Variants in IGSF21 observed in about 807,000 individuals in gnomAD.
IGSF21 encodes the protein immunoglobin superfamily member 21.
A neutral mutation model predicts 46.8 loss-of-function variants in IGSF21; 28 were observed. The observed-to-expected ratio is 0.60, with a 90% CI of 0.44 to 0.82. The LOEUF (loss-of-function observed/expected upper bound fraction) is 0.82. Among genes scored for constraint, IGSF21 ranks in the 40% least tolerant of loss-of-function variants. The pLI is 0.00. For missense variants in IGSF21, 624 were observed against 665.5 expected, an observed-to-expected ratio of 0.94 and a Z score of 0.69; for synonymous variants, 284 against 273.6, an observed-to-expected ratio of 1.04 and a Z score of -0.38.
In IGSF21 at chr1:18,290,871, G is replaced by C. The variant is rs941689262; in HGVS notation, c.184-995G>C. ...CCCGCTGCCTCCACCACACAGAGCC[G>C]CAGGGAGCTAATTCCACTTCTCTAG... On this transcript the variant is annotated intron_variant, in intron 2 of 9. Coordinates refer to ENST00000251296, the MANE Select transcript of IGSF21 (RefSeq NM_032880.5). This position sits in a 1 kb window ranked among gnomAD's most constrained non-coding sequence, Gnocchi z 4.2. Among the ~76,000 whole-genome samples the C allele has an allele frequency of 1.3e-5, 2 of 151,188 alleles. No individual in the cohort carries two copies. The highest frequency in any genetic ancestry group is 2.9e-5 in the Non-Finnish European group (2 of 67,882).
intron 1 of IGSF21, among the ~76,000 whole-genome samples, chr1:18,124,624 G>A (rs910243371): frequency 2.0e-5 from 3 of 152,136 alleles, no homozygotes; most frequent in African/African-American, 4.8e-5. Context: ...CCCGGACCCC[G>A]TGGCTGGGCT....
chr1:18,344,538 G>A (rs2085873835), intron 4 of IGSF21, among the ~76,000 whole-genome samples: 1 of 151,942 alleles, frequency 6.6e-6, no homozygotes, highest in Admixed American at 6.6e-5. Context: ...CTGCTTCTCT[G>A]GGGGACAGCA....
At chr1:18,225,476 G>A (rs2084557461) in intron 1 of IGSF21, among the ~76,000 whole-genome samples, 5 of 152,052 alleles carry the variant, frequency 3.3e-5, no homozygotes, top group Admixed American at 3.3e-4. Context: ...ATCCTGCCCT[G>A]CCTGCCTCAC....
At position 18,108,202 on chromosome 1, in the gene IGSF21, A is replaced by C; in HGVS notation, c.70+4A>C. On this transcript the variant is annotated splice_donor_region_variant and intron_variant, in intron 1 of 9. Coordinates refer to ENST00000251296, the MANE Select transcript of IGSF21 (RefSeq NM_032880.5). ...GCGATCCTGGACCTGGCGCGCGGTG[A>C]GTGCGCGGGCGCCTGGCGGGAGCCG... The C allele has an allele frequency of 7.2e-7, 1 of 1,396,482 alleles. No individual in the cohort carries two copies. The highest frequency in any genetic ancestry group is 9.3e-7 in the Non-Finnish European group (1 of 1,076,092). 86.5% of individuals were successfully genotyped at this position (1,396,482 alleles called of 1,614,324 possible). A position where few individuals can be genotyped will look rare whatever the true frequency, so the allele number is the denominator to read the frequency against.
chr1:18,155,324 T>A (rs1438947646), intron 1 of IGSF21, among the ~76,000 whole-genome samples: 1 of 152,194 alleles, frequency 6.6e-6, no homozygotes, highest in African/African-American at 2.4e-5. Flanking sequence ...GTTTTGGCCC[T>A]GGCTCTGCTG....
chr1:18,176,703 T>C (rs2086802366), intron 1 of IGSF21, among the ~76,000 whole-genome samples: 1 of 152,144 alleles, frequency 6.6e-6, no homozygotes, highest in Non-Finnish European at 1.5e-5. Flanking sequence ...CTTGGTGAGG[T>C]GGGAGGAGTT....
chr1:18,378,232 C>T, intron 9 of IGSF21, 24 bp from the exon 10 acceptor site: 1 of 1,609,976 alleles, frequency 6.2e-7, no homozygotes, highest in Non-Finnish European at 8.5e-7. Context: ...CAGGCTCTGA[C>T]CCTTTCCCTG....
At chr1:18,170,742 G>C (rs562757703) in intron 1 of IGSF21, among the ~76,000 whole-genome samples, 1 of 151,928 alleles carries the variant, frequency 6.6e-6, no homozygotes, top group Non-Finnish European at 1.5e-5. Flanking sequence ...CTGCTATCCC[G>C]GTTCTGATGA....
chr1:18,198,740 T>C (rs2087035470), intron 1 of IGSF21, among the ~76,000 whole-genome samples: 1 of 152,288 alleles, frequency 6.6e-6, no homozygotes, highest in South Asian at 2.1e-4. Context: ...CAGGTGGAAC[T>C]GGGCTGGGTC....
At chr1:18,262,020 C>A (rs2084951509) in intron 2 of IGSF21, among the ~76,000 whole-genome samples, 1 of 152,140 alleles carries the variant, frequency 6.6e-6, no homozygotes, top group African/African-American at 2.4e-5. Flanking sequence ...GTAAGAATCA[C>A]CTGAAGAGGC....
chr1:18,166,417 A>C (rs547822374), intron 1 of IGSF21, among the ~76,000 whole-genome samples: 1 of 152,200 alleles, frequency 6.6e-6, no homozygotes, highest in Admixed American at 6.5e-5. Context: ...CCTGGCCTGA[A>C]GTCCTGGCAA....
chr1:18,343,776 C>T lies in IGSF21; in HGVS notation c.424+8766C>T, dbSNP rs367698675. ...GTGAAAGTGCGAGTTTATTTCCAGA[C>T]TCTCCATTCTGTTTCACTGCTCTAT... On this transcript the variant is annotated intron_variant, in intron 4 of 9. Transcript: ENST00000251296. 3.3e-5 allele frequency among the ~76,000 whole-genome samples: 5 copies of T among 152,326 alleles called. No individual in the cohort carries two copies. In the East Asian group the frequency reaches 5.8e-4, roughly 18 times the overall value.
At chr1:18,124,970 G>A (rs1332678537) in intron 1 of IGSF21, among the ~76,000 whole-genome samples, 2 of 152,158 alleles carry the variant, frequency 1.3e-5, no homozygotes, top group African/African-American at 4.8e-5. Context: ...AAAGGCACTC[G>A]AGGGGAAGAT....
intron 6 of IGSF21, among the ~76,000 whole-genome samples, chr1:18,375,347 GAGA>G (rs2086269988): frequency 6.6e-6 from 1 of 151,976 alleles, no homozygotes; most frequent in African/African-American, 2.4e-5. Context: ...GAGTGCTGGC[GAGA>G]AGGTCAGGAA....
intron 2 of IGSF21, among the ~76,000 whole-genome samples, chr1:18,229,239 G>C (rs1252275684): frequency 6.6e-6 from 1 of 152,154 alleles, no homozygotes. Context: ...AAGGAAGGTG[G>C]GGGGTGGGCA....
intron 1 of IGSF21, among the ~76,000 whole-genome samples, chr1:18,198,626 C>G (rs963025480): frequency 6.6e-6 from 1 of 152,158 alleles, no homozygotes; most frequent in African/African-American, 2.4e-5. Context: ...ATAAAACTGG[C>G]TGGGGAAAAA....
chr1:18,173,803 G>C (rs981796141), intron 1 of IGSF21, among the ~76,000 whole-genome samples: 1 of 152,160 alleles, frequency 6.6e-6, no homozygotes, highest in Non-Finnish European at 1.5e-5. Flanking sequence ...GCCCAGGCTG[G>C]GGTGCAGTGG....
intron 1 of IGSF21, among the ~76,000 whole-genome samples, chr1:18,127,531 A>G (rs1275466143): frequency 6.6e-6 from 1 of 151,880 alleles, no homozygotes; most frequent in Non-Finnish European, 1.5e-5. Flanking sequence ...TTAGGTCTGA[A>G]TGAGAGCTGA....
chr1:18,158,350 A>G (rs1336227173), intron 1 of IGSF21, among the ~76,000 whole-genome samples: 1 of 152,220 alleles, frequency 6.6e-6, no homozygotes, highest in African/African-American at 2.4e-5. Flanking sequence ...CATTTATGCA[A>G]ATCAGCGAGG....
Sources: allele counts gnomAD v4.1 joint callset (sites outside exome capture counted in the v4.1 genomes callset), GRCh38; gene constraint gnomAD v4.1.1; non-coding constraint Gnocchi (gnomAD v3.1); transcripts MANE v1.5; gene names NCBI Gene and HGNC (gene_info 2026-07-23, HGNC 2026-07-21).